PPP1R1C: variants seen among roughly 807,000 people sequenced by gnomAD.
The protein encoded by PPP1R1C is protein phosphatase 1 regulatory inhibitor subunit 1C.
A neutral mutation model predicts 17.4 loss-of-function variants in PPP1R1C; 15 were observed. The ratio of observed to expected loss-of-function variants is 0.86; its 90% CI spans 0.58 to 1.33. The LOEUF is 1.33. Ranked by LOEUF, PPP1R1C falls within the 40% of genes most tolerant of loss-of-function variation. The pLI is 0.00. For synonymous variants in PPP1R1C, 35 were observed against 43.1 expected (o/e 0.81, Z 0.73); for missense variants, 143 against 130.0 (o/e 1.10, Z -0.48).
At chr2:182,092,767 T>G (rs1431173428) in intron 4 of PPP1R1C, among the ~76,000 whole-genome samples, 1 of 152,218 alleles carries the variant, frequency 6.6e-6, no homozygotes, top group Non-Finnish European at 1.5e-5. Flanking sequence ...TTTGACTCCA[T>G]GTCTCACATC....
In PPP1R1C at chr2:181,994,351, A is replaced by T. The variant is rs75642131; in HGVS notation, c.142+6452A>T. On this transcript the variant is annotated intron_variant, in intron 2 of 4. Transcript: ENST00000682840. ...TAAAAATCTTTTAGAGATATCTATC[A>T]AATACTCTTGTTGCTCAATTTTCAT... Among the ~76,000 whole-genome samples, 54 of 152,290 alleles carry T rather than the reference A, an allele frequency of 3.5e-4. 1 individual carries two copies. The East Asian group carries it at 0.01, about 29-fold the overall frequency.
At position 182,040,064 on chromosome 2, in the gene PPP1R1C, C is replaced by G. The variant is rs547378163; in HGVS notation, c.143-21378C>G. Among the ~76,000 whole-genome samples the G allele has an allele frequency of 3.3e-5, 5 of 152,282 alleles. No individual in the cohort carries two copies. In the East Asian group the frequency reaches 9.6e-4, roughly 29 times the overall value. ...TCATCCACTCATTAGTTGATGGGCACTTAGGTTGGTACCATATCTTTGCAA... is the reference window on the plus strand; with the variant it reads ...TCATCCACTCATTAGTTGATGGGCAGTTAGGTTGGTACCATATCTTTGCAA... On this transcript the variant is annotated intron_variant, in intron 2 of 4. Transcript: ENST00000682840.
intron 4 of PPP1R1C, among the ~76,000 whole-genome samples, chr2:182,107,209 T>G (rs943296019): frequency 1.3e-5 from 2 of 152,048 alleles, no homozygotes; most frequent in Non-Finnish European, 2.9e-5. Context: ...ATTTTTAAAA[T>G]TTGTAATCTT....
chr2:181,981,199 A>G (rs1016913363), upstream of PPP1R1C, among the ~76,000 whole-genome samples: 6 of 152,228 alleles, frequency 3.9e-5, 1 homozygote, highest in African/African-American at 1.2e-4. Flanking sequence ...AAGTGCTGGG[A>G]TTACAGGCGT....
downstream of PPP1R1C, among the ~76,000 whole-genome samples, chr2:182,118,526 G>T (rs982105885): frequency 3.9e-5 from 6 of 152,016 alleles, no homozygotes; most frequent in Admixed American, 3.9e-4. Flanking sequence ...ACAAATGAAG[G>T]CAGGAAGAAA....
chr2:182,027,997 G>A (rs1272104829), intron 2 of PPP1R1C, among the ~76,000 whole-genome samples: 13 of 125,178 alleles, frequency 1.0e-4, no homozygotes, highest in African/African-American at 4.0e-4. Context: ...GTTTATTTGC[G>A]TAGAGGTGTT....
chr2:182,098,587 A>G (rs1689011829), intron 4 of PPP1R1C, among the ~76,000 whole-genome samples: 1 of 152,198 alleles, frequency 6.6e-6, no homozygotes, highest in Admixed American at 6.5e-5. Flanking sequence ...CTTCTTCGAC[A>G]GATGTAATCT....
intron 4 of PPP1R1C, among the ~76,000 whole-genome samples, chr2:182,086,049 A>G (rs757950542): frequency 2.0e-5 from 3 of 152,192 alleles, no homozygotes; most frequent in South Asian, 4.1e-4. Context: ...TGTTTAAAAT[A>G]TAAGTGCAAA....
intron 4 of PPP1R1C, among the ~76,000 whole-genome samples, chr2:182,110,118 A>G (rs74825504): frequency 0.014 from 2,115 of 152,230 alleles, 18 homozygotes; most frequent in East Asian, 0.048. Context: ...ACAGGATTTT[A>G]AATGTTTTTA....
At chr2:182,113,211 T>C (rs1689491687) in intron 4 of PPP1R1C, among the ~76,000 whole-genome samples, 1 of 152,208 alleles carries the variant, frequency 6.6e-6, no homozygotes, top group Non-Finnish European at 1.5e-5. Flanking sequence ...GGGAATTTCC[T>C]TTTTTATATT....
Position 181,976,147 on chromosome 2 carries a change from A to G in PPP1R1C, n.157+883A>G, listed in dbSNP as rs1485663632. On this transcript the variant is annotated intron_variant and non_coding_transcript_variant, in intron 2 of 5. Coordinates refer to the PPP1R1C transcript ENST00000464264. The surrounding 1 kb of genome is among the most constrained non-coding windows in gnomAD (Gnocchi z 4.8). ...TCACCATCCAGAGACAACCCCATTA[A>G]CATCTCAGAATATATTCTTCCAAAC... Among the ~76,000 whole-genome samples the G allele has an allele frequency of 5.3e-5, 8 of 152,090 alleles. No individual in the cohort carries two copies. Among genetic ancestry groups the G allele is most frequent in the African/African-American group, 1.4e-4 (6 of 41,440 alleles).
intron 2 of PPP1R1C, among the ~76,000 whole-genome samples, chr2:182,028,427 G>A (rs1686696869): frequency 6.6e-6 from 1 of 151,760 alleles, no homozygotes; most frequent in Non-Finnish European, 1.5e-5. Flanking sequence ...GTTCTCATTG[G>A]TTTCAAAGAA....
intron 2 of PPP1R1C, among the ~76,000 whole-genome samples, chr2:182,004,435 A>G (rs1342535581): frequency 1.3e-5 from 2 of 152,222 alleles, no homozygotes; most frequent in East Asian, 1.9e-4. Flanking sequence ...AAAAGCACAC[A>G]GTAGGAACAC....
chr2:182,095,043 C>G (rs1292614336), intron 4 of PPP1R1C, among the ~76,000 whole-genome samples: 1 of 152,220 alleles, frequency 6.6e-6, no homozygotes, highest in Non-Finnish European at 1.5e-5. Flanking sequence ...GTAATCCCAG[C>G]ACTCTGGGAG....
rs371634962 is a variant in PPP1R1C, at chr2:181,987,858, C to T, written c.101C>T (p.Thr34Ile). 31 of 1,613,340 alleles carry T rather than the reference C, an allele frequency of 1.9e-5. No individual in the cohort carries two copies. The highest frequency in any genetic ancestry group is 2.5e-5 in the Non-Finnish European group (29 of 1,179,592). ...TCACAGATCAGGAAAAGAAGACCTACACCAGCATCACTTGTGATTCTCAAT... is the reference window on the plus strand; with the variant it reads ...TCACAGATCAGGAAAAGAAGACCTATACCAGCATCACTTGTGATTCTCAAT... ...AAEQIRKRRP[T>I]PASLVILNEH... Residue 34 changes from threonine (T) to isoleucine (I), a missense_variant, in exon 2 of 5, where the codon ACA becomes ATA. Physicochemically the swap from Thr to Ile is moderately conservative, Grantham distance 89 (BLOSUM62 -1). Transcript: ENST00000682840.
intron 5 of PPP1R1C, among the ~76,000 whole-genome samples, chr2:182,128,473 T>G (rs556799145): frequency 6.6e-6 from 1 of 151,974 alleles, no homozygotes. Context: ...TTTCAAGAAC[T>G]GCAGGCAAGT....
chr2:181,968,674 G>C (rs898673808), intron 1 of PPP1R1C, among the ~76,000 whole-genome samples: 1 of 152,052 alleles, frequency 6.6e-6, no homozygotes, highest in South Asian at 2.1e-4. Flanking sequence ...TGATTGGAGA[G>C]TTTAGTTCTT....
At chr2:182,082,845 C>G (rs369949570) in intron 4 of PPP1R1C, among the ~76,000 whole-genome samples, 92 of 152,152 alleles carry the variant, frequency 6.0e-4, no homozygotes, top group African/African-American at 2.1e-3. Flanking sequence ...GTTAGCAATG[C>G]TTTATGGAGC....
At chr2:182,005,238 T>G (rs1226676545) in intron 2 of PPP1R1C, among the ~76,000 whole-genome samples, 1 of 152,196 alleles carries the variant, frequency 6.6e-6, no homozygotes, top group Non-Finnish European at 1.5e-5. Flanking sequence ...GTAAATTCAA[T>G]TAGACATGTA....
Sources: allele counts gnomAD v4.1 joint callset (sites outside exome capture counted in the v4.1 genomes callset), GRCh38; gene constraint gnomAD v4.1.1; non-coding constraint Gnocchi (gnomAD v3.1); transcripts MANE v1.5; gene names NCBI Gene and HGNC (gene_info 2026-07-23, HGNC 2026-07-21).